The following PPP4R3A variants were observed in gnomAD, a reference collection of about 807,000 sequenced individuals.
PPP4R3A encodes the protein serine/threonine-protein phosphatase 4 regulatory subunit 3A.
In PPP4R3A, 15 loss-of-function variants were observed where a neutral mutation model predicts 91.7. The observed-to-expected ratio is 0.16, with a 90% CI of 0.11 to 0.25. PPP4R3A has a LOEUF of 0.25. Ranked by LOEUF, PPP4R3A falls within the 10% of genes least tolerant of loss-of-function variation. The pLI is 1.00. For missense variants in PPP4R3A, 623 were observed against 998.4 expected (o/e 0.62, Z 5.07); for synonymous variants, 377 against 348.7 (o/e 1.08, Z -0.91).
In PPP4R3A at chr14:91,457,760, TAAC is replaced by T. The variant is rs2140052835; in HGVS notation, c.*996_*998del. ...AATACTAATTTCATGTTTCTAGATT[TAAC>T]AAAACTGTTGAAGTTTTAAATTCCA... On this transcript the variant is annotated 3_prime_UTR_variant, in exon 15 of 15. Transcript: ENST00000554943. 1 of 152,778 alleles carries T rather than the reference TAAC, an allele frequency of 6.5e-6. No homozygotes were observed. Among genetic ancestry groups the T allele is most frequent in the African/African-American group, 2.4e-5 (1 of 41,598 alleles). 9.5% of individuals were successfully genotyped at this position (152,778 alleles called of 1,614,324 possible).
chr14:91,503,611 T>C (rs1340767861), intron 1 of PPP4R3A, among the ~76,000 whole-genome samples: 1 of 152,114 alleles, frequency 6.6e-6, no homozygotes, highest in Admixed American at 6.6e-5. Flanking sequence ...GAATAGCTAA[T>C]GGATGCTGGG....
intron 1 of PPP4R3A, among the ~76,000 whole-genome samples, chr14:91,502,391 A>G (rs184319335): frequency 2.0e-5 from 3 of 152,288 alleles, no homozygotes; most frequent in Admixed American, 1.3e-4. Flanking sequence ...GTGGCACTGC[A>G]CTCCAGCCTG....
intron 1 of PPP4R3A, among the ~76,000 whole-genome samples, chr14:91,504,850 T>C (rs957874800): frequency 3.3e-5 from 5 of 152,072 alleles, no homozygotes; most frequent in Non-Finnish European, 7.4e-5. Context: ...ATTTAGAAAT[T>C]CTCTTCTGTG....
At chr14:91,469,570 A>G (rs1446083160) in intron 10 of PPP4R3A, among the ~76,000 whole-genome samples, 1 of 152,204 alleles carries the variant, frequency 6.6e-6, no homozygotes, top group Non-Finnish European at 1.5e-5. Context: ...TATAAAATTT[A>G]TTATTTTTCT....
Position 91,509,765 on chromosome 14 carries a change from TGCCGCCGCTGGGCGCCGCGGGGCCGC to T in PPP4R3A, c.-144_-119del. 5 of 1,297,572 alleles carry T rather than the reference TGCCGCCGCTGGGCGCCGCGGGGCCGC, an allele frequency of 3.9e-6. No homozygotes were observed. The highest frequency in any genetic ancestry group is 4.9e-6 in the Non-Finnish European group (5 of 1,027,588). The allele number at this position is 1,297,572 out of a possible 1,614,324, so 80.4% of individuals were successfully genotyped here. A position where few individuals can be genotyped will look rare whatever the true frequency, so the allele number is the denominator to read the frequency against. On this transcript the variant is annotated 5_prime_UTR_variant, in exon 1 of 15. An upstream open reading frame in the 5' UTR loses its in-frame stop. Transcript: ENST00000554943. Reference sequence around the variant, plus strand: ...CGAGCGGAGGGCTCCCCGGCCTCACTGCCGCCGCTGGGCGCCGCGGGGCCGCGCCGCCGCCTGCATGGCCCGCTCCA... The same window carrying T: ...CGAGCGGAGGGCTCCCCGGCCTCACTGCCGCCGCCTGCATGGCCCGCTCCA...
Position 91,509,948 on chromosome 14 carries a change from C to T in PPP4R3A, c.-301G>A, listed in dbSNP as rs1018036754. 23 of 1,025,646 alleles carry T rather than the reference C, an allele frequency of 2.2e-5. No individual in the cohort carries two copies. Among genetic ancestry groups the T allele is most frequent in the Admixed American group, 5.8e-5 (1 of 17,282 alleles). 63.5% of individuals were successfully genotyped at this position (1,025,646 alleles called of 1,614,324 possible). The stretch of plus-strand genomic sequence containing the variant: ...CTTCGTAGCCTCCCGCCCCGCAGCG[C>T]TAGGAACTCGGGGCTCCCGTCACTG... On this transcript the variant is annotated 5_prime_UTR_variant, in exon 1 of 15. Coordinates refer to ENST00000554943, the MANE Select transcript of PPP4R3A (RefSeq NM_001366432.2).
Position 91,458,464 on chromosome 14 carries a change from C to T in PPP4R3A, c.*295G>A. ...GCAACTGACCAGTCAATCCAGAGTT[C>T]CACTTACAAAACCCCTGCCCTGTTG... On this transcript the variant is annotated 3_prime_UTR_variant, in exon 15 of 15. Coordinates refer to ENST00000554943, the MANE Select transcript of PPP4R3A (RefSeq NM_001366432.2). 1 of 439,692 alleles carries T rather than the reference C, an allele frequency of 2.3e-6. No individual in the cohort carries two copies. The highest frequency in any genetic ancestry group is 4.8e-5 in the East Asian group (1 of 20,902). 27.2% of individuals were successfully genotyped at this position (439,692 alleles called of 1,614,324 possible).
At chr14:91,459,348 C>T (rs1341177419) in intron 14 of PPP4R3A, among the ~76,000 whole-genome samples, 1 of 152,102 alleles carries the variant, frequency 6.6e-6, no homozygotes, top group Non-Finnish European at 1.5e-5. Context: ...TCAGGCGATC[C>T]ACCTACCTTG....
Position 91,461,419 on chromosome 14 carries a change from G to GTACGGATCCAGGAGAGCC in PPP4R3A, c.2335_2352dup (p.Gly779_Val784dup), listed in dbSNP as rs764564963. ...GCTGCCGTCTGAGATGTATTTTTAG[G>GTACGGATCCAGGAGAGCC]TACGGATCCAGGAGAGCCTGGAGAT... On this transcript the variant is annotated inframe_insertion, in exon 14 of 15. Coordinates refer to ENST00000554943, the MANE Select transcript of PPP4R3A (RefSeq NM_001366432.2). 3 of 1,613,580 alleles carry GTACGGATCCAGGAGAGCC rather than the reference G, an allele frequency of 1.9e-6. No homozygotes were observed. The highest frequency in any genetic ancestry group is 1.7e-5 in the Admixed American group (1 of 60,004).
chr14:91,481,044 A>G (rs780803461), intron 4 of PPP4R3A, among the ~76,000 whole-genome samples: 1 of 151,808 alleles, frequency 6.6e-6, no homozygotes, highest in Non-Finnish European at 1.5e-5. Flanking sequence ...TAAAAAAAAA[A>G]AAATCAGGCT....
chr14:91,462,516 T>TTC (rs1555433998), intron 12 of PPP4R3A, among the ~76,000 whole-genome samples: 1 of 127,244 alleles, frequency 7.9e-6, no homozygotes, highest in African/African-American at 2.9e-5. Context: ...TTTTTTTTTT[T>TTC]CCCTTATCTA....
chr14:91,475,588 AACTG>A, intron 7 of PPP4R3A: 1 of 400,034 alleles, frequency 2.5e-6, no homozygotes, highest in Non-Finnish European at 4.4e-6. Context: ...AACAAAAAAA[AACTG>A]ACATGAATAT....
At chr14:91,481,499 C>A in intron 4 of PPP4R3A, 77 bp downstream of exon 4, 1 of 1,395,970 alleles carries the variant, frequency 7.2e-7, no homozygotes, top group South Asian at 1.6e-5. Context: ...AATTAAAACT[C>A]AATGTATGTA....
intron 1 of PPP4R3A, among the ~76,000 whole-genome samples, chr14:91,499,656 A>G (rs1376252211): frequency 6.6e-6 from 1 of 151,948 alleles, no homozygotes; most frequent in African/African-American, 2.4e-5. Context: ...TCTCATCTCT[A>G]CTAAAAATAC....
At chr14:91,500,076 G>C (rs565854790) in intron 1 of PPP4R3A, among the ~76,000 whole-genome samples, 3 of 152,208 alleles carry the variant, frequency 2.0e-5, no homozygotes, top group Non-Finnish European at 4.4e-5. Flanking sequence ...TAGATTTCTT[G>C]CCAGGTGCAA....
At chr14:91,477,909 G>T (rs955034494) in intron 4 of PPP4R3A, among the ~76,000 whole-genome samples, 1 of 152,132 alleles carries the variant, frequency 6.6e-6, no homozygotes, top group African/African-American at 2.4e-5. Flanking sequence ...TGGGCCTCCT[G>T]AAGTGCTGGG....
In PPP4R3A at chr14:91,458,566, T is replaced by G; in HGVS notation, c.*193A>C. On this transcript the variant is annotated 3_prime_UTR_variant, in exon 15 of 15. Coordinates refer to ENST00000554943, the MANE Select transcript of PPP4R3A (RefSeq NM_001366432.2). ...CTGGAGAGCTCAAAGGCTTAAGTCTTTCCCCTAAATATATGATATCCCCTC... is the reference window on the plus strand; with the variant it reads ...CTGGAGAGCTCAAAGGCTTAAGTCTGTCCCCTAAATATATGATATCCCCTC... 1.3e-6 allele frequency: 1 copy of G among 789,952 alleles called. No individual in the cohort carries two copies. The highest frequency in any genetic ancestry group is 1.4e-5 in the South Asian group (1 of 70,022). The allele number at this position is 789,952 out of a possible 1,614,324, so 48.9% of individuals were successfully genotyped here.
In PPP4R3A at chr14:91,482,064, T is replaced by C; in HGVS notation, c.427A>G (p.Ile143Val). 6.2e-7 allele frequency: 1 copy of C among 1,614,076 alleles called. No homozygotes were observed. Among genetic ancestry groups the C allele is most frequent in the Non-Finnish European group, 8.5e-7 (1 of 1,180,030 alleles). The change falls in exon 4 of 15, where the codon ATT (isoleucine) becomes GTT (valine). Residue 143 changes from isoleucine (I) to valine (V), a missense_variant. Physicochemically the swap from Ile to Val is conservative, Grantham distance 29. Transcript: ENST00000554943. The stretch of plus-strand genomic sequence containing the variant: ...AAAGATGATGCCACAAGTTCTGCAA[T>C]TTCTTCAAGGCGACTTAATTCACAA... ...PSCELSRLEEIAELVASSLPS... is the reference protein window; with the variant it reads ...PSCELSRLEEVAELVASSLPS...
At chr14:91,508,938 G>A (rs957377743) in intron 1 of PPP4R3A, among the ~76,000 whole-genome samples, 1 of 152,206 alleles carries the variant, frequency 6.6e-6, no homozygotes, top group Admixed American at 6.5e-5. Context: ...GAAAATCTTC[G>A]CAAGGGAAAG....
Sources: gnomAD v4.1 joint callset for allele counts (sites outside exome capture counted in the v4.1 genomes callset) on GRCh38, gnomAD v4.1.1 for gene constraint, MANE v1.5 for transcripts, NCBI Gene and HGNC (gene_info 2026-07-23, HGNC 2026-07-21) for gene names.